KCTD21: variants seen among roughly 807,000 people sequenced by gnomAD.
KCTD21 encodes the protein potassium channel tetramerization domain containing 21.
A neutral mutation model predicts 13.2 loss-of-function variants in KCTD21; 9 were observed. That is an observed-to-expected ratio of 0.68 (90% CI 0.41 to 1.19). KCTD21 has a LOEUF of 1.19. Ranked by LOEUF, KCTD21 falls within the 50% of genes most tolerant of loss-of-function variation. The pLI is 0.01. For synonymous variants in KCTD21, 142 were observed against 137.4 expected (o/e 1.03, Z -0.23); for missense variants, 303 against 336.5 (o/e 0.90, Z 0.78).
In KCTD21 at chr11:78,172,545, A is replaced by G. The variant is rs914865011; in HGVS notation, c.*1227T>C. Reference sequence around the variant, plus strand: ...AAGGGGACTGACTTACAGGGGATAGAAAAGAGCTAACTTTGATTCTGAAGA... The same window carrying G: ...AAGGGGACTGACTTACAGGGGATAGGAAAGAGCTAACTTTGATTCTGAAGA... On this transcript the variant is annotated 3_prime_UTR_variant, in exon 2 of 2. Transcript: ENST00000340067. The G allele has an allele frequency of 2.0e-5, 3 of 152,234 alleles. No individual in the cohort carries two copies. The highest frequency in any genetic ancestry group is 7.2e-5 in the African/African-American group (3 of 41,450). The allele number at this position is 152,234 out of a possible 1,614,324, so 9.4% of individuals were successfully genotyped here. A position where few individuals can be genotyped will look rare whatever the true frequency, so the allele number is the denominator to read the frequency against.
chr11:78,186,582 T>C, intron 1 of KCTD21: 1 of 470,422 alleles, frequency 2.1e-6, no homozygotes, highest in Non-Finnish European at 2.8e-6. Context: ...GCAATAATAA[T>C]GGCTAACGTT....
At chr11:78,188,356 C>G (rs989655611) in intron 1 of KCTD21, 1 of 985,220 alleles carries the variant, frequency 1.0e-6, no homozygotes, top group East Asian at 1.1e-4. Context: ...CTTGCTCTCC[C>G]AACAGCCCCG....
chr11:78,179,311 C>T (rs996941109), intron 1 of KCTD21, among the ~76,000 whole-genome samples: 27 of 151,678 alleles, frequency 1.8e-4, no homozygotes, highest in African/African-American at 6.3e-4. Flanking sequence ...TGGGGATTAC[C>T]ACGTCTGCCC....
intron 1 of KCTD21, chr11:78,187,700 TCA>T: frequency 2.0e-6 from 2 of 985,442 alleles, no homozygotes; most frequent in Non-Finnish European, 2.4e-6. Flanking sequence ...CATTTCATCC[TCA>T]CAGTACTATA....
intron 1 of KCTD21, chr11:78,187,165 T>G: frequency 1.0e-6 from 1 of 985,116 alleles, no homozygotes; most frequent in Non-Finnish European, 1.2e-6. Context: ...ATGCTCAGAG[T>G]GAGTACTGTG....
intron 1 of KCTD21, chr11:78,186,691 A>C: frequency 1.0e-6 from 1 of 985,452 alleles, no homozygotes; most frequent in Non-Finnish European, 1.2e-6. Flanking sequence ...TTTACAGACC[A>C]ACCATACTGG....
intron 1 of KCTD21, among the ~76,000 whole-genome samples, chr11:78,177,308 C>T (rs1461607163): frequency 2.0e-5 from 3 of 152,214 alleles, no homozygotes; most frequent in African/African-American, 4.8e-5. Context: ...AAAGGCATTC[C>T]CCATCTGGAG....
rs1161478235 is a variant in KCTD21 at position 78,172,783 on chromosome 11, TG to T, written c.*988del. 1.3e-5 allele frequency: 2 copies of T among 152,420 alleles called. No homozygotes were observed. The highest frequency in any genetic ancestry group is 4.8e-5 in the African/African-American group (2 of 41,396). The allele number at this position is 152,420 out of a possible 1,614,324, so 9.4% of individuals were successfully genotyped here. Reference sequence around the variant, plus strand: ...TGTCCAACCACAGCAGGAGCTGCCTTGGGGATGGCGCGCTTCCTATCAGCCA... The same window carrying T: ...TGTCCAACCACAGCAGGAGCTGCCTTGGGATGGCGCGCTTCCTATCAGCCA... On this transcript the variant is annotated 3_prime_UTR_variant, in exon 2 of 2. Transcript: ENST00000340067.
At chr11:78,177,566 C>T (rs1020227303) in intron 1 of KCTD21, among the ~76,000 whole-genome samples, 1 of 152,036 alleles carries the variant, frequency 6.6e-6, no homozygotes, top group African/African-American at 2.4e-5. Context: ...GTCCCCTTTA[C>T]TCAGTCCAGA....
chr11:78,183,871 G>A (rs867429192), intron 1 of KCTD21, among the ~76,000 whole-genome samples: 26 of 152,120 alleles, frequency 1.7e-4, no homozygotes, highest in Middle Eastern at 3.4e-3. Flanking sequence ...TCCTGACCTC[G>A]TGATCCGCCC....
At chr11:78,186,318 G>C (rs779632038) in intron 1 of KCTD21, among the ~76,000 whole-genome samples, 3 of 127,534 alleles carry the variant, frequency 2.4e-5, no homozygotes, top group Non-Finnish European at 3.2e-5. Flanking sequence ...GCTGCAGCAA[G>C]CCGAGATCAC....
intron 1 of KCTD21, among the ~76,000 whole-genome samples, chr11:78,185,026 T>C (rs1055934464): frequency 2.6e-5 from 4 of 152,168 alleles, no homozygotes; most frequent in African/African-American, 7.2e-5. Flanking sequence ...ACATGACCCA[T>C]TGCACCTGGC....
At chr11:78,174,770 A>G in intron 1 of KCTD21, 187 bp from the exon 2 acceptor site, 1 of 476,726 alleles carries the variant, frequency 2.1e-6, no homozygotes, top group South Asian at 4.3e-5. Flanking sequence ...GGAAAGGAGA[A>G]AGGGAAAAGG....
intron 1 of KCTD21, among the ~76,000 whole-genome samples, chr11:78,180,788 T>G (rs1397305492): frequency 6.6e-6 from 1 of 152,208 alleles, no homozygotes; most frequent in African/African-American, 2.4e-5. Context: ...TTTGGCTCTG[T>G]GTCCCCACCC....
intron 1 of KCTD21, chr11:78,187,712 AG>A: frequency 1.0e-6 from 1 of 985,408 alleles, no homozygotes; most frequent in Non-Finnish European, 1.2e-6. Context: ...ACAGTACTAT[AG>A]GAGGGCTGCC....
chr11:78,183,920 C>G (rs899596676), intron 1 of KCTD21, among the ~76,000 whole-genome samples: 14 of 152,122 alleles, frequency 9.2e-5, no homozygotes, highest in Non-Finnish European at 1.3e-4. Context: ...CAGGCGTGAG[C>G]CACCGCACCC....
rs1347768354 is a variant in KCTD21 at position 78,174,205 on chromosome 11, T to C, written c.350A>G (p.Asn117Ser). ...GAAGTGGACCGTCTGCACACGCTGG[T>C]TCAGTGTGATGTTGAGCATGGCATT... ...EKNAMLNITLNQRVQTVHFTV... is the reference protein window; with the variant it reads ...EKNAMLNITLSQRVQTVHFTV... Residue 117 changes from asparagine to serine, a missense_variant, in exon 2 of 2, where the codon AAC (asparagine) becomes AGC (serine). Transcript: ENST00000340067. 6.2e-7 allele frequency: 1 copy of C among 1,613,884 alleles called. No individual in the cohort carries two copies.
chr11:78,187,508 G>A (rs549221398), intron 1 of KCTD21: 3 of 985,378 alleles, frequency 3.0e-6, no homozygotes, highest in Admixed American at 6.1e-5. Flanking sequence ...TTCATCTGGC[G>A]TAGACCTCCA....
In KCTD21 at chr11:78,173,338, G is replaced by C. The variant is rs1862338580; in HGVS notation, c.*434C>G. 6.1e-6 allele frequency: 1 copy of C among 163,462 alleles called. No homozygotes were observed. 10.1% of individuals were successfully genotyped at this position (163,462 alleles called of 1,614,324 possible). ...GGAGCAGGTGTGACAGGAACCGCTG[G>C]GGACTTTATGTCCTGGTTAACTGGA... On this transcript the variant is annotated 3_prime_UTR_variant, in exon 2 of 2. Transcript: ENST00000340067.
Sources: allele counts gnomAD v4.1 joint callset (sites outside exome capture counted in the v4.1 genomes callset), GRCh38; gene constraint gnomAD v4.1.1; transcripts MANE v1.5; gene names NCBI Gene and HGNC (gene_info 2026-07-23, HGNC 2026-07-21).